The following TRIM67 variants were observed in gnomAD, a reference collection of about 807,000 sequenced individuals.
The protein encoded by TRIM67 is tripartite motif-containing protein 67.
In TRIM67, 39 loss-of-function variants were observed where a neutral mutation model predicts 71.0. The observed-to-expected ratio is 0.55, with a 90% CI of 0.43 to 0.72. The LOEUF (loss-of-function observed/expected upper bound fraction) is 0.72, where lower values mean the gene tolerates loss of function less well. Among genes scored for constraint, TRIM67 ranks in the 30% least tolerant of loss-of-function variants. The probability of loss-of-function intolerance (pLI) is 0.00; values close to 1 mark genes in which losing one functional copy is unlikely to be tolerated. For synonymous variants in TRIM67, 481 were observed against 473.9 expected (o/e 1.01, Z -0.19); for missense variants, 973 against 1,079.2 (o/e 0.90, Z 1.38).
intron 1 of TRIM67, among the ~76,000 whole-genome samples, chr1:231,195,416 TATGGG>T (rs1683340630): frequency 6.6e-6 from 1 of 152,218 alleles, no homozygotes; most frequent in African/African-American, 2.4e-5. Context: ...CTGTATATTC[TATGGG>T]ATGTTTCACT....
intron 1 of TRIM67, chr1:231,186,184 C>G: frequency 6.5e-7 from 1 of 1,529,030 alleles, no homozygotes; most frequent in Non-Finnish European, 8.7e-7. Flanking sequence ...CTGCATGAAT[C>G]ACAGCAGTGG....
At chr1:231,214,227 TG>T (rs1237192155) in intron 9 of TRIM67, among the ~76,000 whole-genome samples, 1 of 152,066 alleles carries the variant, frequency 6.6e-6, no homozygotes, top group East Asian at 1.9e-4. Context: ...GCTCAGTCCC[TG>T]GGGAGTGCTG....
intron 8 of TRIM67, among the ~76,000 whole-genome samples, chr1:231,211,647 C>T (rs1438248358): frequency 6.6e-6 from 1 of 152,254 alleles, no homozygotes; most frequent in African/African-American, 2.4e-5. Context: ...CTCCTCGGGA[C>T]TTCCTGTCGT....
At chr1:231,168,001 G>T (rs1235629385) in intron 1 of TRIM67, among the ~76,000 whole-genome samples, 2 of 150,518 alleles carry the variant, frequency 1.3e-5, no homozygotes, top group African/African-American at 2.4e-5. Flanking sequence ...TCTCTCTGTT[G>T]CCCAGACTGG....
Position 231,162,390 on chromosome 1 carries a change from C to G in TRIM67, c.-580C>G, listed in dbSNP as rs1484450609. 2 of 152,260 alleles carry G rather than the reference C, an allele frequency of 1.3e-5. No individual in the cohort carries two copies. Among genetic ancestry groups the G allele is most frequent in the Admixed American group, 1.3e-4 (2 of 15,286 alleles). The allele number at this position is 152,260 out of a possible 1,614,324, so 9.4% of individuals were successfully genotyped here. A position where few individuals can be genotyped will look rare whatever the true frequency, so the allele number is the denominator to read the frequency against. On this transcript the variant is annotated 5_prime_UTR_variant, in exon 1 of 10. Coordinates refer to ENST00000366653, the MANE Select transcript of TRIM67 (RefSeq NM_001004342.5). Reference sequence around the variant, plus strand: ...GGCCCAGGGGTCGGCGAGCAGGCAGCTGGAGCCCCACCTTCGGCTCCCGGG... The same window carrying G: ...GGCCCAGGGGTCGGCGAGCAGGCAGGTGGAGCCCCACCTTCGGCTCCCGGG...
intron 5 of TRIM67, 24 bp downstream of exon 5, chr1:231,201,541 C>T (rs1237821781): frequency 6.2e-7 from 1 of 1,608,886 alleles, no homozygotes; most frequent in African/African-American, 1.3e-5. Context: ...GGCCCCAGTT[C>T]AGTCAGTGCT....
chr1:231,172,018 C>T (rs898147082), intron 1 of TRIM67, among the ~76,000 whole-genome samples: 1 of 152,140 alleles, frequency 6.6e-6, no homozygotes, highest in African/African-American at 2.4e-5. Context: ...AATGCTTGAG[C>T]CCAGGCTGTG....
chr1:231,175,052 C>T (rs1682709403), intron 1 of TRIM67, among the ~76,000 whole-genome samples: 1 of 152,214 alleles, frequency 6.6e-6, no homozygotes, highest in African/African-American at 2.4e-5. Flanking sequence ...CATGCTACTG[C>T]TCCCTGCCAG....
chr1:231,170,837 G>C (rs369570876), intron 1 of TRIM67, among the ~76,000 whole-genome samples: 25 of 152,196 alleles, frequency 1.6e-4, no homozygotes, highest in African/African-American at 6.0e-4. Flanking sequence ...AAAACTGAAA[G>C]TATTTACTAT....
In TRIM67 at chr1:231,209,247, A is replaced by G. The variant is rs1317276426; in HGVS notation, c.2120A>G (p.Asn707Ser). 6.5e-7 allele frequency: 1 copy of G among 1,540,378 alleles called. No homozygotes were observed. The highest frequency in any genetic ancestry group is 1.3e-5 in the South Asian group (1 of 79,346). ...TTCATGCACTGCAACTCCCACACCA[A>G]CAGGTGCGATTGGGCCCCATCCTGC... ...SWFMHCNSHT[N>S]RTEGGVCKGA... is the part of the protein sequence containing the mutation. The change falls in exon 8 of 10, where the codon AAC becomes AGC. Residue 707 changes from asparagine to serine, a missense_variant. This residue lies in a region of TRIM67 where 178 missense variants were observed against 247.9 expected (regional missense o/e 0.72). Coordinates refer to ENST00000366653, the MANE Select transcript of TRIM67 (RefSeq NM_001004342.5). This position sits in a 1 kb window ranked among gnomAD's most constrained non-coding sequence, Gnocchi z 4.1.
At chr1:231,168,981 G>T (rs1390797339) in intron 1 of TRIM67, among the ~76,000 whole-genome samples, 2 of 152,238 alleles carry the variant, frequency 1.3e-5, no homozygotes, top group African/African-American at 4.8e-5. Context: ...AAACTGAGAA[G>T]AGTCCGCCGG....
At chr1:231,178,627 C>T (rs1682817523) in intron 1 of TRIM67, among the ~76,000 whole-genome samples, 1 of 152,222 alleles carries the variant, frequency 6.6e-6, no homozygotes, top group Admixed American at 6.5e-5. Flanking sequence ...AAGGCCACTT[C>T]CCCTCCTCAC....
intron 1 of TRIM67, chr1:231,184,918 T>C: frequency 8.9e-7 from 1 of 1,129,834 alleles, no homozygotes; most frequent in Non-Finnish European, 1.2e-6. Context: ...AAATTAGGGT[T>C]TGAATTCAGG....
In TRIM67 at chr1:231,166,276, GTTC is replaced by G. The variant is rs542933016; in HGVS notation, c.1044+2270_1044+2272del. ...TTCAAGAATGAATAGAAGTGCTGCT[GTTC>G]TTCTTCAGCAGGTGCTGTTGATTTC... is the stretch of plus-strand genomic sequence containing the variant. On this transcript the variant is annotated intron_variant, in intron 1 of 9. Transcript: ENST00000366653. 3.0e-3 allele frequency among the ~76,000 whole-genome samples: 456 copies of G among 152,308 alleles called. 1 individual carries two copies. Among genetic ancestry groups the G allele is most frequent in the African/African-American group, 0.01 (433 of 41,568 alleles).
chr1:231,164,700 G>A (rs1161722907), intron 1 of TRIM67, among the ~76,000 whole-genome samples: 1 of 152,140 alleles, frequency 6.6e-6, no homozygotes, highest in Non-Finnish European at 1.5e-5. Flanking sequence ...TCACCGCAGA[G>A]GCAAGAGGTC....
At chr1:231,193,863 G>A (rs1163422590) in intron 1 of TRIM67, among the ~76,000 whole-genome samples, 3 of 152,182 alleles carry the variant, frequency 2.0e-5, no homozygotes, top group Non-Finnish European at 4.4e-5. Context: ...CCGCTAAGCA[G>A]GAGGGGAGGA....
Position 231,176,914 on chromosome 1 carries a change from A to AAAAAAAAAAC in TRIM67, c.1044+12903_1044+12912dup, listed in dbSNP as rs1553322818. Among the ~76,000 whole-genome samples, 26 of 151,688 alleles carry AAAAAAAAAAC rather than the reference A, an allele frequency of 1.7e-4. 3 individuals carry two copies. Among genetic ancestry groups the AAAAAAAAAAC allele is most frequent in the African/African-American group, 6.1e-4 (25 of 41,316 alleles). ...TTGCCAATACAATCTGGCAAAAAAAAAAAAAAAAACACCTTTCAAACATCT... is the reference window on the plus strand; with the variant it reads ...TTGCCAATACAATCTGGCAAAAAAAAAAAAAAAAACAAAAAAAAACACCTTTCAAACATCT... On this transcript the variant is annotated intron_variant, in intron 1 of 9. Coordinates refer to ENST00000366653, the MANE Select transcript of TRIM67 (RefSeq NM_001004342.5).
intron 8 of TRIM67, among the ~76,000 whole-genome samples, chr1:231,211,386 G>T (rs1683864883): frequency 6.6e-6 from 1 of 152,008 alleles, no homozygotes; most frequent in African/African-American, 2.4e-5. Context: ...TAGGGTAAGC[G>T]CTATCTGGGA....
chr1:231,183,555 A>G (rs1365255162), intron 1 of TRIM67, among the ~76,000 whole-genome samples: 2 of 152,172 alleles, frequency 1.3e-5, no homozygotes, highest in Non-Finnish European at 2.9e-5. Flanking sequence ...TTAAGCCTGC[A>G]GTGCTTCATG....
Sources: allele counts gnomAD v4.1 joint callset (sites outside exome capture counted in the v4.1 genomes callset), GRCh38; gene constraint gnomAD v4.1.1; regional missense constraint gnomAD v4.1.1; non-coding constraint Gnocchi (gnomAD v3.1); transcripts MANE v1.5; gene names NCBI Gene and HGNC (gene_info 2026-07-23, HGNC 2026-07-21).